Variants in TPD52 observed in about 807,000 individuals in gnomAD.
The protein encoded by TPD52 is tumor protein D52, also known as prostate and colon associated protein.
In TPD52, 17 loss-of-function variants were observed where a neutral mutation model predicts 31.3. That is an observed-to-expected ratio of 0.54 (90% CI 0.37 to 0.82). TPD52 has a LOEUF of 0.82. TPD52 is among the 40% of genes least tolerant of loss of function. The probability of loss-of-function intolerance (pLI) is 0.00; values close to 1 mark genes in which losing one functional copy is unlikely to be tolerated. For missense variants in TPD52, 212 were observed against 240.1 expected (o/e 0.88, Z 0.77); for synonymous variants, 83 against 89.6 (o/e 0.93, Z 0.42).
intron 1 of TPD52, among the ~76,000 whole-genome samples, chr8:80,162,530 G>A (rs1811427322): frequency 1.3e-5 from 2 of 151,858 alleles, no homozygotes; most frequent in East Asian, 3.9e-4. Context: ...GACTGAGGCA[G>A]AAGGACTCCT....
intron 1 of TPD52, among the ~76,000 whole-genome samples, chr8:80,090,649 C>A (rs2130880291): frequency 6.6e-6 from 1 of 152,156 alleles, no homozygotes; most frequent in Middle Eastern, 3.4e-3. Context: ...CTTCTTTTCT[C>A]CTTTATTTTC....
At chr8:80,056,806 A>G (rs989114306) in intron 2 of TPD52, among the ~76,000 whole-genome samples, 3 of 152,194 alleles carry the variant, frequency 2.0e-5, no homozygotes, top group Non-Finnish European at 2.9e-5. Flanking sequence ...AGCTCCTCAA[A>G]AAGTTAAACA....
intron 1 of TPD52, among the ~76,000 whole-genome samples, chr8:80,125,027 A>G (rs113892079): frequency 5.9e-5 from 9 of 152,314 alleles, no homozygotes; most frequent in African/African-American, 2.2e-4. Flanking sequence ...TTCTTTTTTT[A>G]AAGCTTCCCT....
At chr8:80,127,136 C>T (rs1454985994) in intron 1 of TPD52, among the ~76,000 whole-genome samples, 1 of 151,622 alleles carries the variant, frequency 6.6e-6, no homozygotes, top group Non-Finnish European at 1.5e-5. Flanking sequence ...GAGAAAGATA[C>T]CATGTTAAAA....
chr8:80,075,110 G>A (rs1814375820), intron 1 of TPD52, among the ~76,000 whole-genome samples: 1 of 152,034 alleles, frequency 6.6e-6, no homozygotes, highest in African/African-American at 2.4e-5. Flanking sequence ...CTCCCGAGTA[G>A]CTGGGACTAC....
chr8:80,050,060 G>A, intron 5 of TPD52, among the ~76,000 whole-genome samples: 1 of 152,024 alleles, frequency 6.6e-6, no homozygotes, highest in East Asian at 1.9e-4. Flanking sequence ...TGAAACCCAG[G>A]TGAAGAATTC....
intron 1 of TPD52, among the ~76,000 whole-genome samples, chr8:80,167,479 C>T (rs1811792596): frequency 6.6e-6 from 1 of 152,124 alleles, no homozygotes; most frequent in Admixed American, 6.6e-5. Flanking sequence ...GGCAGCCTGC[C>T]ACATAAAAAT....
At chr8:80,125,314 A>G (rs1808527386) in intron 1 of TPD52, among the ~76,000 whole-genome samples, 1 of 152,218 alleles carries the variant, frequency 6.6e-6, no homozygotes. Context: ...CCCCCTCTCT[A>G]CAAAAACTAA....
At chr8:80,160,147 C>G (rs909020736) in intron 1 of TPD52, among the ~76,000 whole-genome samples, 1 of 151,764 alleles carries the variant, frequency 6.6e-6, no homozygotes, top group East Asian at 1.9e-4. Context: ...GCCATGATTG[C>G]ACCACTGCAC....
chr8:80,147,688 G>C (rs1413093250), intron 1 of TPD52, among the ~76,000 whole-genome samples: 1 of 152,108 alleles, frequency 6.6e-6, no homozygotes, highest in East Asian at 1.9e-4. Flanking sequence ...CAGGGCAGCA[G>C]GGCAAAGGCG....
intron 1 of TPD52, among the ~76,000 whole-genome samples, chr8:80,166,094 G>C (rs1188920544): frequency 6.6e-6 from 1 of 152,128 alleles, no homozygotes; most frequent in Non-Finnish European, 1.5e-5. Flanking sequence ...GAGGCGGGAG[G>C]ATCACTTGAG....
intron 7 of TPD52, among the ~76,000 whole-genome samples, chr8:80,040,029 G>GCAAATGCT (rs1810224842): frequency 6.6e-6 from 1 of 151,964 alleles, no homozygotes; most frequent in Admixed American, 6.6e-5. Context: ...CTGGCACATG[G>GCAAATGCT]CAAATGCTCA....
At chr8:80,161,730 ATATTTTT>A (rs1203799689) in intron 1 of TPD52, among the ~76,000 whole-genome samples, 1 of 56,214 alleles carries the variant, frequency 1.8e-5, no homozygotes, top group East Asian at 1.4e-3. Flanking sequence ...ATATATATAT[ATATTTTT>A]TTTTTTTTCT....
chr8:80,051,412 A>T, intron 4 of TPD52, 115 bp downstream of exon 4: 1 of 934,822 alleles, frequency 1.1e-6, no homozygotes, highest in Non-Finnish European at 1.7e-6. Flanking sequence ...GCCCTCCCTC[A>T]CTCTAACAGG....
intron 1 of TPD52, among the ~76,000 whole-genome samples, chr8:80,130,847 G>T (rs1808969983): frequency 6.6e-6 from 1 of 152,046 alleles, no homozygotes; most frequent in Admixed American, 6.5e-5. Flanking sequence ...TGATTTCAGG[G>T]CTCCGTTAAC....
chr8:80,093,436 C>T (rs1166438785), intron 1 of TPD52, among the ~76,000 whole-genome samples: 1 of 152,136 alleles, frequency 6.6e-6, no homozygotes, highest in Non-Finnish European at 1.5e-5. Flanking sequence ...TGGTGGACTA[C>T]ATTTTAATGT....
intron 1 of TPD52, among the ~76,000 whole-genome samples, chr8:80,070,995 T>C (rs1699859646): frequency 6.6e-6 from 1 of 152,068 alleles, no homozygotes; most frequent in Non-Finnish European, 1.5e-5. Flanking sequence ...GAGAAGAGAT[T>C]ATGTGAAGAT....
chr8:80,142,172 A>C (rs895549837), intron 1 of TPD52, among the ~76,000 whole-genome samples: 1 of 152,174 alleles, frequency 6.6e-6, no homozygotes, highest in Admixed American at 6.5e-5. Context: ...TTATTCTGTC[A>C]TGTGTTGCAA....
intron 1 of TPD52, among the ~76,000 whole-genome samples, chr8:80,112,606 G>A (rs1807574631): frequency 6.6e-6 from 1 of 152,100 alleles, no homozygotes; most frequent in Admixed American, 6.5e-5. Flanking sequence ...GAGTTTATTG[G>A]GCTAGTTAAC....
Sources: gnomAD v4.1 joint callset for allele counts (sites outside exome capture counted in the v4.1 genomes callset) on GRCh38, gnomAD v4.1.1 for gene constraint, MANE v1.5 for transcripts, NCBI Gene and HGNC (gene_info 2026-07-23, HGNC 2026-07-21) for gene names.